Variants in TMEM71 observed in about 807,000 individuals in gnomAD.
The protein encoded by TMEM71 is transmembrane protein 71.
Under a neutral mutation model 38.0 loss-of-function variants are expected in TMEM71, and 44 were observed. That is an observed-to-expected ratio of 1.16 (90% confidence interval 0.91 to 1.49). The LOEUF is 1.49. TMEM71 is among the 40% of genes most tolerant of loss of function. The pLI is 0.00. For missense variants in TMEM71, 367 were observed against 348.6 expected (o/e 1.05, Z -0.42); for synonymous variants, 133 against 122.5 (o/e 1.09, Z -0.56).
the TMEM71 span, chr8:132,775,294 G>T: frequency 3.0e-6 from 1 of 334,732 alleles, no homozygotes; most frequent in Non-Finnish European, 5.4e-6. Context: ...CGGCTGCGCG[G>T]CCCGGGCCCA....
intron 7 of TMEM71, among the ~76,000 whole-genome samples, chr8:132,715,409 CAAAAAAAAAAAAA>C (rs975995287): frequency 2.8e-4 from 6 of 21,572 alleles, no homozygotes; most frequent in African/African-American, 6.1e-4. Context: ...GACTCCGTCT[CAAAAAAAAAAAAA>C]AAAAAAAAAA....
chr8:132,737,990 T>C (rs1286512706), intron 5 of TMEM71, among the ~76,000 whole-genome samples: 13 of 152,194 alleles, frequency 8.5e-5, no homozygotes, highest in Admixed American at 8.5e-4. Context: ...CCATAAGAAA[T>C]ACAATTCATT....
chr8:132,726,598 G>A (rs1827155089), intron 6 of TMEM71, among the ~76,000 whole-genome samples: 1 of 152,152 alleles, frequency 6.6e-6, no homozygotes, highest in African/African-American at 2.4e-5. Context: ...CTGAGTTATA[G>A]CTAAGGAGTA....
intron 7 of TMEM71, among the ~76,000 whole-genome samples, chr8:132,721,061 G>A (rs964460301): frequency 1.3e-5 from 2 of 152,142 alleles, no homozygotes; most frequent in Admixed American, 6.5e-5. Context: ...GGATTTTCAG[G>A]GAAGATCTCT....
intron 9 of TMEM71, 135 bp from the exon 10 acceptor site, chr8:132,711,117 T>C: frequency 2.6e-6 from 2 of 780,702 alleles, no homozygotes; most frequent in Non-Finnish European, 4.1e-6. Context: ...GCCTGAATTA[T>C]CACAACTAGG....
In TMEM71 at chr8:132,727,779, T is replaced by G; in HGVS notation, c.676+19A>C. The G allele has an allele frequency of 1.9e-6, 3 of 1,561,720 alleles. No homozygotes were observed. The highest frequency in any genetic ancestry group is 2.6e-6 in the Non-Finnish European group (3 of 1,155,782). On this transcript the variant is annotated intron_variant, in intron 6 of 9. Coordinates refer to ENST00000677595, the MANE Select transcript of TMEM71 (RefSeq NM_001382403.1). ...AGAATTCTTTGGGTGTGGCAAATAT[T>G]TAAAACACCTGAACTCACCTGAATG...
Position 132,751,817 on chromosome 8 carries a change from C to G in TMEM71, c.282G>C (p.Gln94His), listed in dbSNP as rs1284435723. ...AGTTCTCCTTATACATAACGCTGGT[C>G]TGGGATGGGTTCAGAGTTATGTTGC... ...KDGNITLNPSQTSVMYKENLV... is the reference protein window; with the variant it reads ...KDGNITLNPSHTSVMYKENLV... Residue 94 changes from glutamine to histidine, a missense_variant, in exon 4 of 10, where the codon CAG becomes CAC. Gln to His is a conservative substitution (Grantham distance 24). Transcript: ENST00000677595. 35 of 1,613,698 alleles carry G rather than the reference C, an allele frequency of 2.2e-5. No homozygotes were observed. Among genetic ancestry groups the G allele is most frequent in the Non-Finnish European group, 2.9e-5 (34 of 1,180,048 alleles).
rs184710483 is a variant in TMEM71 at position 132,720,573 on chromosome 8, G to A, written c.752+1467C>T. 1.3e-3 allele frequency among the ~76,000 whole-genome samples: 201 copies of A among 152,238 alleles called. 1 individual carries two copies. Among genetic ancestry groups the A allele is most frequent in the Non-Finnish European group, 2.4e-3 (164 of 67,990 alleles). ...ACACACACACTCCACTTTTGTTCTTGTGGTCCCATTGTGATCTAAAAATGT... is the reference window on the plus strand; with the variant it reads ...ACACACACACTCCACTTTTGTTCTTATGGTCCCATTGTGATCTAAAAATGT... On this transcript the variant is annotated intron_variant, in intron 7 of 9. Coordinates refer to ENST00000677595, the MANE Select transcript of TMEM71 (RefSeq NM_001382403.1).
chr8:132,718,728 T>G (rs1049584860), intron 7 of TMEM71, among the ~76,000 whole-genome samples: 7 of 152,200 alleles, frequency 4.6e-5, no homozygotes, highest in African/African-American at 1.7e-4. Flanking sequence ...AATAAATTGT[T>G]AAAAATTTCA....
intron 3 of TMEM71, among the ~76,000 whole-genome samples, chr8:132,755,401 G>A (rs1828947735): frequency 6.6e-6 from 1 of 152,156 alleles, no homozygotes; most frequent in Admixed American, 6.5e-5. Flanking sequence ...AAATTTAGTA[G>A]TGGATTCGTT....
Position 132,727,670 on chromosome 8 carries a change from A to C in TMEM71, c.676+128T>G, listed in dbSNP as rs908651776. 4 of 758,894 alleles carry C rather than the reference A, an allele frequency of 5.3e-6. No homozygotes were observed. In the African/African-American group the frequency reaches 7.1e-5, roughly 13 times the overall value. The allele number at this position is 758,894 out of a possible 1,614,324, so 47.0% of individuals were successfully genotyped here. ...TCACCTGGGCTTTGGCAGAGGCCCC[A>C]TGTCCTCCCTTCCTCGCACAGGTTG... On this transcript the variant is annotated intron_variant, in intron 6 of 9. Transcript: ENST00000677595.
intron 5 of TMEM71, among the ~76,000 whole-genome samples, chr8:132,740,446 T>C (rs1187824867): frequency 6.6e-6 from 1 of 152,270 alleles, no homozygotes; most frequent in East Asian, 1.9e-4. Flanking sequence ...AATTTATTTA[T>C]TGTCTATCTC....
intron 7 of TMEM71, among the ~76,000 whole-genome samples, chr8:132,716,585 T>C (rs1246863011): frequency 6.6e-6 from 1 of 152,214 alleles, no homozygotes; most frequent in African/African-American, 2.4e-5. Context: ...ATTTAAACTA[T>C]ATGGGAGGAT....
At chr8:132,767,771 G>T in the TMEM71 span, among the ~76,000 whole-genome samples, 1 of 152,118 alleles carries the variant, frequency 6.6e-6, no homozygotes, top group Non-Finnish European at 1.5e-5. Flanking sequence ...CACCGCGCCC[G>T]GCCTAGCTCT....
chr8:132,762,430 C>T (rs567159820), upstream of TMEM71, among the ~76,000 whole-genome samples: 2 of 152,176 alleles, frequency 1.3e-5, no homozygotes, highest in Admixed American at 1.3e-4. Flanking sequence ...CTTCCTGTGC[C>T]CACAAATCCA....
At position 132,734,153 on chromosome 8, in the gene TMEM71, T is replaced by TACAC. The variant is rs35673804; in HGVS notation, c.488-6171_488-6168dup. 8.6e-3 allele frequency among the ~76,000 whole-genome samples: 1,277 copies of TACAC among 148,874 alleles called. 11 individuals are homozygous for TACAC. Among genetic ancestry groups the TACAC allele is most frequent in the Non-Finnish European group, 0.012 (824 of 67,042 alleles). On this transcript the variant is annotated intron_variant, in intron 5 of 9. Transcript: ENST00000677595. ...TAAGGTAGCTCTCATGTTATGTTCT[T>TACAC]ACACACACACACACACACACACGCA...
chr8:132,711,101 C>G (rs566380157), intron 9 of TMEM71, 119 bp from the exon 10 acceptor site: 2 of 881,252 alleles, frequency 2.3e-6, no homozygotes, highest in African/African-American at 3.6e-5. Flanking sequence ...CCCATACCCA[C>G]AACGGGCCTG....
At chr8:132,715,570 G>A (rs183741933) in intron 7 of TMEM71, among the ~76,000 whole-genome samples, 2 of 152,190 alleles carry the variant, frequency 1.3e-5, no homozygotes, top group Non-Finnish European at 2.9e-5. Flanking sequence ...CCCAACAGTT[G>A]CACCCCTTGG....
intron 7 of TMEM71, among the ~76,000 whole-genome samples, chr8:132,717,533 A>G (rs1168004248): frequency 6.6e-6 from 1 of 152,200 alleles, no homozygotes; most frequent in East Asian, 1.9e-4. Context: ...AATCAAAACC[A>G]CAGTGAGATA....
Sources: allele counts gnomAD v4.1 joint callset (sites outside exome capture counted in the v4.1 genomes callset), GRCh38; gene constraint gnomAD v4.1.1; transcripts MANE v1.5; gene names NCBI Gene and HGNC (gene_info 2026-07-23, HGNC 2026-07-21).